BMPR1B: variants seen among roughly 807,000 people sequenced by gnomAD.
BMPR1B encodes the protein bone morphogenetic protein receptor type 1B, also known as bone morphogenetic protein receptor type-1B.
In BMPR1B, 12 loss-of-function variants were observed where a neutral mutation model predicts 59.1. The ratio of observed to expected loss-of-function variants is 0.20; its 90% CI spans 0.13 to 0.33. The LOEUF (loss-of-function observed/expected upper bound fraction) is 0.33, where lower values mean the gene tolerates loss of function less well. Ranked by LOEUF, BMPR1B falls within the 10% of genes least tolerant of loss-of-function variation. The probability of loss-of-function intolerance (pLI) is 1.00; values close to 1 mark genes in which losing one functional copy is unlikely to be tolerated. For missense variants in BMPR1B, 550 were observed against 610.9 expected, an observed-to-expected ratio of 0.90 and a Z score of 1.05; for synonymous variants, 237 against 207.3, an observed-to-expected ratio of 1.14 and a Z score of -1.23.
chr4:94,836,576 A>G (rs1483270144), intron 1 of BMPR1B, among the ~76,000 whole-genome samples: 2 of 146,452 alleles, frequency 1.4e-5, no homozygotes, highest in African/African-American at 2.5e-5. Context: ...GTGTCTGTTC[A>G]TATCCTTTGC....
chr4:94,819,009 A>T (rs1291838581), intron 1 of BMPR1B, among the ~76,000 whole-genome samples: 1 of 151,976 alleles, frequency 6.6e-6, no homozygotes, highest in Non-Finnish European at 1.5e-5. Flanking sequence ...GGTGGCATGC[A>T]CCTGTAGTCC....
intron 2 of BMPR1B, among the ~76,000 whole-genome samples, chr4:94,933,684 G>T (rs1308045603): frequency 6.6e-6 from 1 of 152,072 alleles, no homozygotes; most frequent in African/African-American, 2.4e-5. Flanking sequence ...ACAGATATTT[G>T]TTATGACAGA....
rs753862322 is a variant in BMPR1B at position 95,131,339 on chromosome 4, G to A, written c.903G>A (p.Met301Ile). 6.2e-7 allele frequency: 1 copy of A among 1,613,940 alleles called. No individual in the cohort carries two copies. The highest frequency in any genetic ancestry group is 1.1e-5 in the South Asian group (1 of 91,072). The change falls in exon 10 of 13, where the codon ATG becomes ATA. Residue 301 changes from methionine (M) to isoleucine (I), a missense_variant. By Grantham distance (10) the Met-to-Ile change is conservative. Around this residue, in one of 6 missense-constraint regions of BMPR1B, gnomAD observed 318 missense variants for 284.6 expected, o/e 1.12. Coordinates refer to ENST00000515059, the MANE Select transcript of BMPR1B (RefSeq NM_001203.3). ...LKSTTLDAKSMLKLAYSSVSG... is the reference protein window; with the variant it reads ...LKSTTLDAKSILKLAYSSVSG... Reference sequence around the variant, plus strand: ...CCACCACCCTAGACGCTAAATCAATGCTGAAGTTAGCCTACTCTTCTGTCA... The same window carrying A: ...CCACCACCCTAGACGCTAAATCAATACTGAAGTTAGCCTACTCTTCTGTCA...
intron 3 of BMPR1B, among the ~76,000 whole-genome samples, chr4:95,030,626 G>T (rs1480459574): frequency 3.3e-5 from 5 of 152,024 alleles, no homozygotes; most frequent in African/African-American, 1.2e-4. Flanking sequence ...AAACCCCATT[G>T]TCTCAGCCCA....
intron 10 of BMPR1B, among the ~76,000 whole-genome samples, chr4:95,134,088 G>A (rs1319269733): frequency 6.6e-6 from 1 of 151,982 alleles, no homozygotes; most frequent in Non-Finnish European, 1.5e-5. Flanking sequence ...TGTTCTCATT[G>A]TTCAATTCCC....
At chr4:94,936,515 G>T (rs1315582885) in intron 2 of BMPR1B, among the ~76,000 whole-genome samples, 3 of 152,072 alleles carry the variant, frequency 2.0e-5, no homozygotes, top group African/African-American at 7.2e-5. Context: ...GGGGGTGAGG[G>T]GAGTGGGCTG....
intron 2 of BMPR1B, among the ~76,000 whole-genome samples, chr4:94,920,026 G>C (rs911913159): frequency 6.6e-6 from 1 of 152,026 alleles, no homozygotes; most frequent in African/African-American, 2.4e-5. Context: ...AGTGTTAAAA[G>C]TATTTTCTTG....
At chr4:94,865,968 C>T (rs1726220191) in intron 1 of BMPR1B, among the ~76,000 whole-genome samples, 1 of 151,908 alleles carries the variant, frequency 6.6e-6, no homozygotes, top group Non-Finnish European at 1.5e-5. Flanking sequence ...TACTGAGTAC[C>T]CCCCAAGACA....
In BMPR1B at chr4:95,051,560, C is replaced by G. The variant is rs933477371; in HGVS notation, c.-17-52848C>G. ...ACCAGTTTGTAACAGGCTTGTCTTT[C>G]ACGGTCCTGTCTCAGGGTTGCTGGC... is the stretch of plus-strand genomic sequence containing the variant. On this transcript the variant is annotated intron_variant, in intron 3 of 12. Coordinates refer to ENST00000515059, the MANE Select transcript of BMPR1B (RefSeq NM_001203.3). The G allele has an allele frequency of 1.9e-4, 133 of 714,126 alleles. No homozygotes were observed. The African/African-American group carries it at 2.1e-3, about 11-fold the overall frequency. 44.2% of individuals were successfully genotyped at this position (714,126 alleles called of 1,614,324 possible).
chr4:95,090,590 A>G (rs895160246), intron 3 of BMPR1B, among the ~76,000 whole-genome samples: 5 of 151,880 alleles, frequency 3.3e-5, no homozygotes, highest in African/African-American at 7.3e-5. Context: ...TTTATGCCAC[A>G]CTCTCCAAAT....
intron 1 of BMPR1B, among the ~76,000 whole-genome samples, chr4:94,867,120 C>G (rs745625994): frequency 6.6e-6 from 1 of 152,108 alleles, no homozygotes; most frequent in Non-Finnish European, 1.5e-5. Flanking sequence ...CTCTTACCTG[C>G]GTCTTAAACT....
chr4:95,021,734 G>T (rs1184622262), intron 3 of BMPR1B, among the ~76,000 whole-genome samples: 2 of 152,166 alleles, frequency 1.3e-5, no homozygotes, highest in Admixed American at 6.5e-5. Context: ...GAAATATGGA[G>T]CATAAAAATG....
chr4:95,029,967 G>T (rs1223427660), intron 3 of BMPR1B, among the ~76,000 whole-genome samples: 1 of 151,634 alleles, frequency 6.6e-6, no homozygotes, highest in Non-Finnish European at 1.5e-5. Context: ...GGGGTTGTTT[G>T]TTTTTTTCTT....
intron 3 of BMPR1B, among the ~76,000 whole-genome samples, chr4:95,033,045 G>A (rs1463885074): frequency 6.6e-6 from 1 of 152,110 alleles, no homozygotes; most frequent in Admixed American, 6.6e-5. Context: ...TTGTGGTTTT[G>A]ATTTGCATTT....
chr4:94,773,908 C>T (rs1250368942), intron 1 of BMPR1B, among the ~76,000 whole-genome samples: 1 of 151,966 alleles, frequency 6.6e-6, no homozygotes, highest in African/African-American at 2.4e-5. Flanking sequence ...AAGTTAATGC[C>T]TGTTGTATTC....
chr4:94,775,384 C>G (rs1013210716), intron 1 of BMPR1B, among the ~76,000 whole-genome samples: 2 of 152,056 alleles, frequency 1.3e-5, no homozygotes, highest in Non-Finnish European at 2.9e-5. Flanking sequence ...TTTCTAAGCC[C>G]AAAAATTATT....
intron 3 of BMPR1B, among the ~76,000 whole-genome samples, chr4:95,030,817 C>T (rs1270956541): frequency 7.2e-5 from 11 of 152,072 alleles, no homozygotes; most frequent in Non-Finnish European, 5.9e-5. Context: ...TTAAAAGGGA[C>T]GTGAAGGACC....
At chr4:95,071,494 T>G (rs936670719) in intron 3 of BMPR1B, among the ~76,000 whole-genome samples, 1 of 151,876 alleles carries the variant, frequency 6.6e-6, no homozygotes, top group Non-Finnish European at 1.5e-5. Context: ...ATACTGATAC[T>G]TTGCAGTACA....
At chr4:94,795,699 A>T (rs1431042153) in intron 1 of BMPR1B, among the ~76,000 whole-genome samples, 5 of 152,038 alleles carry the variant, frequency 3.3e-5, no homozygotes, top group African/African-American at 1.2e-4. Context: ...CCTACCCTCA[A>T]GTGATCCGCC....
Sources: gnomAD v4.1 joint callset for allele counts (sites outside exome capture counted in the v4.1 genomes callset) on GRCh38, gnomAD v4.1.1 for gene constraint, gnomAD v4.1.1 regional missense constraint, MANE v1.5 for transcripts, NCBI Gene and HGNC (gene_info 2026-07-23, HGNC 2026-07-21) for gene names.